LRRTM4: variants seen among roughly 807,000 people sequenced by gnomAD.
The protein encoded by LRRTM4 is leucine-rich repeat transmembrane neuronal protein 4.
LRRTM4 carries 25 observed loss-of-function variants against 47.6 expected under a neutral mutation model. The ratio of observed to expected loss-of-function variants is 0.53; its 90% confidence interval spans 0.38 to 0.73. The LOEUF is 0.73. LRRTM4 is among the 30% of genes least tolerant of loss of function. The probability of loss-of-function intolerance (pLI) is 0.00; values close to 1 mark genes in which losing one functional copy is unlikely to be tolerated. For synonymous variants in LRRTM4, 311 were observed against 269.5 expected, an observed-to-expected ratio of 1.15 and a Z score of -1.51; for missense variants, 638 against 713.4, an observed-to-expected ratio of 0.89 and a Z score of 1.20.
chr2:77,272,821 C>T (rs560549102), intron 3 of LRRTM4, among the ~76,000 whole-genome samples: 2 of 152,266 alleles, frequency 1.3e-5, no homozygotes, highest in South Asian at 4.1e-4. Context: ...CTTGCACATA[C>T]TGGAGCATAT....
intron 3 of LRRTM4, among the ~76,000 whole-genome samples, chr2:77,118,093 T>A (rs991688648): frequency 5.3e-5 from 8 of 151,942 alleles, no homozygotes; most frequent in Non-Finnish European, 8.8e-5. Flanking sequence ...GAAATCTGCC[T>A]CTTCATCACA....
chr2:77,257,293 C>T (rs1288564745), intron 3 of LRRTM4, among the ~76,000 whole-genome samples: 1 of 150,962 alleles, frequency 6.6e-6, no homozygotes, highest in Admixed American at 6.6e-5. Context: ...AAGTATTAAC[C>T]AAATAAAATC....
chr2:76,875,248 C>T (rs751708480), intron 3 of LRRTM4, among the ~76,000 whole-genome samples: 21 of 152,072 alleles, frequency 1.4e-4, no homozygotes, highest in Non-Finnish European at 2.2e-4. Context: ...TAAGATTTAA[C>T]GACAGTAAAA....
intron 3 of LRRTM4, among the ~76,000 whole-genome samples, chr2:76,780,157 G>A (rs1471480369): frequency 1.3e-5 from 2 of 152,148 alleles, no homozygotes; most frequent in Admixed American, 1.3e-4. Context: ...GCTTCCCTTT[G>A]AGGGTAACCC....
intron 3 of LRRTM4, among the ~76,000 whole-genome samples, chr2:77,368,717 T>A (rs776588028): frequency 3.4e-4 from 52 of 151,908 alleles, no homozygotes; most frequent in Middle Eastern, 3.4e-3. Flanking sequence ...ACAGTCTTAC[T>A]CCATTGTGGT....
At chr2:77,309,716 TAGATAG>T (rs1677397086) in intron 3 of LRRTM4, among the ~76,000 whole-genome samples, 1 of 151,802 alleles carries the variant, frequency 6.6e-6, no homozygotes, top group South Asian at 2.1e-4. Context: ...GATAGATAGA[TAGATAG>T]ATAGATAGAT....
At chr2:76,848,014 T>G (rs945820772) in intron 3 of LRRTM4, among the ~76,000 whole-genome samples, 1 of 152,108 alleles carries the variant, frequency 6.6e-6, no homozygotes, top group Non-Finnish European at 1.5e-5. Flanking sequence ...GGAATCTTAA[T>G]GGAGTTTAGA....
intron 3 of LRRTM4, among the ~76,000 whole-genome samples, chr2:76,840,688 G>A (rs1464455563): frequency 6.6e-6 from 1 of 152,092 alleles, no homozygotes; most frequent in Non-Finnish European, 1.5e-5. Context: ...ATGAACATAG[G>A]TAAGAAAACA....
intron 3 of LRRTM4, among the ~76,000 whole-genome samples, chr2:77,216,430 G>T (rs1216595532): frequency 3.3e-5 from 5 of 152,072 alleles, no homozygotes; most frequent in Admixed American, 3.3e-4. Context: ...ACTTTGGGAG[G>T]CCGAGGTGGG....
intron 3 of LRRTM4, among the ~76,000 whole-genome samples, chr2:76,893,306 T>C (rs1375557918): frequency 2.6e-5 from 4 of 151,656 alleles, no homozygotes; most frequent in African/African-American, 7.2e-5. Context: ...CAAATAAAAA[T>C]GGCAACTTTC....
At chr2:77,511,799 A>C (rs1313005507) in intron 3 of LRRTM4, among the ~76,000 whole-genome samples, 1 of 152,036 alleles carries the variant, frequency 6.6e-6, no homozygotes, top group Non-Finnish European at 1.5e-5. Flanking sequence ...TTCATTCCCC[A>C]AACTTATGTT....
chr2:76,935,335 G>T (rs1419405400), intron 3 of LRRTM4, among the ~76,000 whole-genome samples: 1 of 152,082 alleles, frequency 6.6e-6, no homozygotes, highest in Non-Finnish European at 1.5e-5. Context: ...GGCTATGCGG[G>T]CTCTTTTTGG....
intron 3 of LRRTM4, among the ~76,000 whole-genome samples, chr2:76,967,140 A>G (rs1676053135): frequency 6.7e-6 from 1 of 150,030 alleles, no homozygotes; most frequent in African/African-American, 2.5e-5. Flanking sequence ...TCCTTTCAGA[A>G]TAAGTGCATT....
In LRRTM4 at chr2:77,361,578, C is replaced by T. The variant is rs1446897630; in HGVS notation, c.1551+156740G>A. 2.0e-5 allele frequency among the ~76,000 whole-genome samples: 3 copies of T among 152,156 alleles called. No individual in the cohort carries two copies. In the East Asian group the frequency reaches 5.8e-4, roughly 29 times the overall value. ...CCCACATATCCTCTTCACAGCTTAG[C>T]TAATTGAAAGAATTGTCTAAAAAAC... On this transcript the variant is annotated intron_variant, in intron 3 of 3. Coordinates refer to ENST00000409884, the MANE Select transcript of LRRTM4 (RefSeq NM_001134745.3).
chr2:76,999,870 AT>A (rs1013115933), intron 3 of LRRTM4, among the ~76,000 whole-genome samples: 6 of 152,138 alleles, frequency 3.9e-5, no homozygotes, highest in Non-Finnish European at 7.3e-5. Flanking sequence ...TCAACACACC[AT>A]TTTTAGGTGG....
intron 3 of LRRTM4, among the ~76,000 whole-genome samples, chr2:77,157,309 A>G (rs1196142400): frequency 6.6e-6 from 1 of 152,176 alleles, no homozygotes; most frequent in East Asian, 1.9e-4. Context: ...GAATCATCAT[A>G]TCAGTAAGGT....
At chr2:76,768,808 G>A (rs930081629) in intron 3 of LRRTM4, among the ~76,000 whole-genome samples, 3 of 152,106 alleles carry the variant, frequency 2.0e-5, no homozygotes, top group African/African-American at 4.8e-5. Context: ...CTGAAATTAG[G>A]ATCTGATTCC....
intron 3 of LRRTM4, among the ~76,000 whole-genome samples, chr2:77,386,227 T>A (rs1673266312): frequency 6.6e-6 from 1 of 152,234 alleles, no homozygotes; most frequent in Non-Finnish European, 1.5e-5. Flanking sequence ...ATAAGCTTTC[T>A]AACACAAATA....
chr2:76,798,150 T>C (rs1318386508), intron 3 of LRRTM4, among the ~76,000 whole-genome samples: 2 of 152,010 alleles, frequency 1.3e-5, no homozygotes, highest in Non-Finnish European at 2.9e-5. Context: ...AATATACATT[T>C]TTTTCAGCAC....
Sources: allele counts gnomAD v4.1 joint callset (sites outside exome capture counted in the v4.1 genomes callset), GRCh38; gene constraint gnomAD v4.1.1; transcripts MANE v1.5; gene names NCBI Gene and HGNC (gene_info 2026-07-23, HGNC 2026-07-21).